The following RMP64 variants were observed in gnomAD, a reference collection of about 807,000 sequenced individuals.
RMP64 encodes nucleolus and neural progenitor protein.
chr3:113,010,251 C>G, the RMP64 span, among the ~76,000 whole-genome samples: 2 of 152,164 alleles, frequency 1.3e-5, no homozygotes, highest in Non-Finnish European at 2.9e-5. Flanking sequence ...GCACATATTA[C>G]TATTACAAAA....
At chr3:113,004,524 G>A in the RMP64 span, 1 of 152,154 alleles carries the variant, frequency 6.6e-6, no homozygotes, top group East Asian at 1.9e-4. Context: ...ACATACTAAG[G>A]TACTACTTTC....
chr3:113,006,094 C>T, the RMP64 span: 2 of 847,844 alleles, frequency 2.4e-6, no homozygotes, highest in South Asian at 1.8e-5. Context: ...AAGAAAAATA[C>T]ACAACTTATC....
chr3:113,005,582 T>C, the RMP64 span: 1 of 1,613,880 alleles, frequency 6.2e-7, no homozygotes, highest in Non-Finnish European at 8.5e-7. Flanking sequence ...ATCTGTCTCC[T>C]TAATGGTTCC....
At chr3:113,015,226 T>TA in the RMP64 span, among the ~76,000 whole-genome samples, 3 of 152,044 alleles carry the variant, frequency 2.0e-5, no homozygotes, top group Non-Finnish European at 4.4e-5. Context: ...TTACTTTTTT[T>TA]AAAAAAAATT....
At chr3:113,010,722 T>C in the RMP64 span, 11 of 1,605,538 alleles carry the variant, frequency 6.9e-6, no homozygotes, top group East Asian at 2.2e-5. Flanking sequence ...GGTGGAAAAA[T>C]TGCAGATACA....
chr3:113,010,578 T>C, the RMP64 span: 3 of 1,293,866 alleles, frequency 2.3e-6, no homozygotes, highest in Admixed American at 3.5e-5. Flanking sequence ...TCTCTGCCCT[T>C]GGTAAGAAGC....
chr3:113,006,298 C>G, the RMP64 span, among the ~76,000 whole-genome samples: 1 of 152,170 alleles, frequency 6.6e-6, no homozygotes, highest in East Asian at 1.9e-4. Flanking sequence ...AGTGTCAGAG[C>G]TTTTCCCTCA....
At chr3:113,018,068 A>T in the RMP64 span, among the ~76,000 whole-genome samples, 1 of 152,228 alleles carries the variant, frequency 6.6e-6, no homozygotes, top group Non-Finnish European at 1.5e-5. Flanking sequence ...CTGTGTTTGG[A>T]TATCACTTTA....
the RMP64 span, among the ~76,000 whole-genome samples, chr3:113,015,607 T>A: frequency 6.7e-6 from 1 of 149,676 alleles, no homozygotes; most frequent in South Asian, 2.1e-4. Flanking sequence ...TGTGTTCCAT[T>A]TAGGGGAATG....
the RMP64 span, chr3:113,004,033 C>T: frequency 6.6e-6 from 1 of 152,194 alleles, no homozygotes; most frequent in East Asian, 1.9e-4. Flanking sequence ...AAAGGATATT[C>T]ATTGAACACA....
chr3:113,004,944 TATGAG>T, the RMP64 span: 1 of 153,766 alleles, frequency 6.5e-6, no homozygotes, highest in Non-Finnish European at 1.4e-5. Context: ...CTCACTTTAA[TATGAG>T]ATAAGCCAAG....
chr3:113,019,666 C>T, the RMP64 span: 2 of 1,604,626 alleles, frequency 1.2e-6, no homozygotes, highest in East Asian at 2.2e-5. Flanking sequence ...GGGGGACTTA[C>T]GAAAGGCGGA....
At chr3:113,013,450 G>T in the RMP64 span, 1 of 1,442,144 alleles carries the variant, frequency 6.9e-7, no homozygotes, top group Non-Finnish European at 9.2e-7. Flanking sequence ...AAAAAAAAAG[G>T]GTTTTTTTTT....
At chr3:113,011,172 A>G in the RMP64 span, 6 of 1,613,592 alleles carry the variant, frequency 3.7e-6, no homozygotes. Flanking sequence ...GTGACTGCTC[A>G]TTTATTAAAA....
the RMP64 span, chr3:113,012,798 G>GT: frequency 6.2e-7 from 1 of 1,602,862 alleles, no homozygotes; most frequent in East Asian, 2.2e-5. Context: ...AAACCTAGAT[G>GT]TTTCACAGTC....
At chr3:113,005,781 ACTTAGCACTGGTATCT>A in the RMP64 span, 1 of 1,613,888 alleles carries the variant, frequency 6.2e-7, no homozygotes, top group South Asian at 1.1e-5. Context: ...GAGAGTCTCC[ACTTAGCACTGGTATCT>A]GTAGCACTCT....
chr3:113,010,845 T>A, the RMP64 span: 11 of 851,260 alleles, frequency 1.3e-5, no homozygotes, highest in African/African-American at 1.5e-4. Flanking sequence ...AGGAAGCAAC[T>A]ACAGAAACAA....
the RMP64 span, chr3:113,013,986 G>A: frequency 4.3e-6 from 7 of 1,613,674 alleles, no homozygotes; most frequent in East Asian, 6.7e-5. Context: ...GTCTTGAATT[G>A]AGCCCTCCAA....
the RMP64 span, among the ~76,000 whole-genome samples, chr3:113,012,072 C>T: frequency 6.6e-6 from 1 of 152,140 alleles, no homozygotes; most frequent in Non-Finnish European, 1.5e-5. Context: ...GGCCTTCTTA[C>T]AGATACGGGC....
Sources: allele counts gnomAD v4.1 joint callset (sites outside exome capture counted in the v4.1 genomes callset), GRCh38; gene constraint gnomAD v4.1.1; transcripts MANE v1.5; gene names NCBI Gene and HGNC (gene_info 2026-07-23, HGNC 2026-07-21).